Variants in DLG2 observed in about 807,000 individuals in gnomAD.
DLG2 encodes the protein disks large homolog 2.
Under a neutral mutation model 132.5 loss-of-function variants are expected in DLG2, and 45 were observed. That is an observed-to-expected ratio of 0.34 (90% CI 0.27 to 0.44). The LOEUF is 0.44. Ranked by LOEUF, DLG2 falls within the 20% of genes least tolerant of loss-of-function variation. The pLI is 1.00. For missense variants in DLG2, 1,045 were observed against 1,196.9 expected (o/e 0.87, Z 1.87); for synonymous variants, 424 against 419.6 (o/e 1.01, Z -0.13).
intron 3 of DLG2, among the ~76,000 whole-genome samples, chr11:85,509,729 T>C (rs1213257): frequency 0.77 from 116,793 of 151,958 alleles, 45,390 homozygotes; most frequent in Middle Eastern, 0.85. Flanking sequence ...TGATGATACA[T>C]AGTGAACGAA....
At chr11:84,254,498 G>A (rs924685986) in intron 7 of DLG2, among the ~76,000 whole-genome samples, 3 of 152,110 alleles carry the variant, frequency 2.0e-5, no homozygotes, top group African/African-American at 7.2e-5. Flanking sequence ...ACTAAAGGTA[G>A]TGATAAAGTA....
At chr11:84,245,663 T>G (rs1175986737) in intron 8 of DLG2, among the ~76,000 whole-genome samples, 4 of 152,224 alleles carry the variant, frequency 2.6e-5, no homozygotes, top group African/African-American at 9.6e-5. Context: ...CTTTTACTTC[T>G]CAGTGTTTGC....
chr11:84,191,237 T>C (rs2096402545), intron 8 of DLG2, among the ~76,000 whole-genome samples: 1 of 152,282 alleles, frequency 6.6e-6, no homozygotes, highest in East Asian at 1.9e-4. Flanking sequence ...GTATAAAACA[T>C]TTATATCAGA....
Position 85,559,655 on chromosome 11 carries a change from A to G in DLG2, c.40+39002T>C, listed in dbSNP as rs528924730. Among the ~76,000 whole-genome samples, 85 of 151,896 alleles carry G rather than the reference A, an allele frequency of 5.6e-4. 2 individuals carry two copies. Among genetic ancestry groups the G allele is most frequent in the African/African-American group, 2.0e-3 (84 of 41,552 alleles). On this transcript the variant is annotated intron_variant, in intron 3 of 27. Coordinates refer to ENST00000376104, the MANE Select transcript of DLG2 (RefSeq NM_001142699.3). ...AGTAAGTTTGATATAATGGAAATTC[A>G]AAATTTGGGCAAATTATTTAAGACA... is the stretch of plus-strand genomic sequence containing the variant.
rs138267324 is a variant in DLG2, at chr11:84,955,818, T to G, written c.357+155843A>C. 1.6e-3 allele frequency: 237 copies of G among 152,322 alleles called. 1 individual carries two copies. The highest frequency in any genetic ancestry group is 5.2e-3 in the African/African-American group (218 of 41,570). The allele number at this position is 152,322 out of a possible 1,614,324, so 9.4% of individuals were successfully genotyped here. ...TAACAGATGCCAAATATTCTTAAAA[T>G]ACTGATGAGGAAATAACTTACAAAT... On this transcript the variant is annotated intron_variant, in intron 6 of 27. Coordinates refer to ENST00000376104, the MANE Select transcript of DLG2 (RefSeq NM_001142699.3).
At chr11:83,646,375 GAGGA>G (rs1336459644) in intron 18 of DLG2, among the ~76,000 whole-genome samples, 5 of 152,074 alleles carry the variant, frequency 3.3e-5, no homozygotes, top group East Asian at 1.9e-4. Context: ...GAGAGAGAGA[GAGGA>G]AGGAAGGAAG....
At chr11:84,985,411 A>G (rs978631623) in intron 6 of DLG2, among the ~76,000 whole-genome samples, 1 of 152,198 alleles carries the variant, frequency 6.6e-6, no homozygotes, top group Non-Finnish European at 1.5e-5. Flanking sequence ...ATGGCAATTA[A>G]AAAATTCTTC....
intron 3 of DLG2, among the ~76,000 whole-genome samples, chr11:85,409,166 T>C (rs1489606018): frequency 1.3e-5 from 2 of 151,976 alleles, no homozygotes; most frequent in Non-Finnish European, 2.9e-5. Flanking sequence ...ACCTTGAATA[T>C]AGATACTAAG....
intron 4 of DLG2, among the ~76,000 whole-genome samples, chr11:85,281,120 A>T (rs912478055): frequency 6.6e-6 from 1 of 152,056 alleles, no homozygotes; most frequent in African/African-American, 2.4e-5. Flanking sequence ...GGAAGTAAGA[A>T]GACAGATCTC....
chr11:84,270,947 G>A (rs755232366), intron 7 of DLG2, among the ~76,000 whole-genome samples: 17 of 152,120 alleles, frequency 1.1e-4, no homozygotes, highest in Non-Finnish European at 2.1e-4. Context: ...GATTTATTAC[G>A]ATACTGTAAA....
intron 6 of DLG2, among the ~76,000 whole-genome samples, chr11:84,907,379 C>G (rs2091628970): frequency 6.6e-6 from 1 of 151,924 alleles, no homozygotes; most frequent in Non-Finnish European, 1.5e-5. Flanking sequence ...AATTGAATAA[C>G]AAGAATAGAA....
intron 17 of DLG2, among the ~76,000 whole-genome samples, chr11:83,821,846 A>G (rs1516623): frequency 0.68 from 103,907 of 152,002 alleles, 36,561 homozygotes; most frequent in African/African-American, 0.85. Context: ...AATCATTTCC[A>G]TCAACATATA....
chr11:84,242,233 G>C (rs954021450), intron 8 of DLG2, among the ~76,000 whole-genome samples: 1 of 152,144 alleles, frequency 6.6e-6, no homozygotes, highest in Non-Finnish European at 1.5e-5. Flanking sequence ...GGGCTTCCCA[G>C]TAAATGAGAA....
chr11:84,206,344 C>T (rs2096665054), intron 8 of DLG2, among the ~76,000 whole-genome samples: 2 of 152,040 alleles, frequency 1.3e-5, no homozygotes, highest in African/African-American at 4.8e-5. Context: ...CATTCTTATA[C>T]AAACTCTTCC....
chr11:84,172,504 TA>T (rs1284580374), intron 8 of DLG2, among the ~76,000 whole-genome samples: 12 of 149,852 alleles, frequency 8.0e-5, no homozygotes, highest in African/African-American at 2.9e-4. Context: ...CAGTATACTA[TA>T]ATTTTTTCCA....
At chr11:85,071,575 G>C (rs776246719) in intron 6 of DLG2, among the ~76,000 whole-genome samples, 1 of 151,774 alleles carries the variant, frequency 6.6e-6, no homozygotes. Flanking sequence ...AAATATGCAA[G>C]TGCTTCATTG....
chr11:84,937,038 G>A (rs1303754223), intron 6 of DLG2, among the ~76,000 whole-genome samples: 1 of 152,194 alleles, frequency 6.6e-6, no homozygotes, highest in South Asian at 2.1e-4. Context: ...TGTAATCCCA[G>A]CTATTCAGGA....
intron 6 of DLG2, among the ~76,000 whole-genome samples, chr11:84,892,500 A>C (rs368858007): frequency 6.6e-6 from 1 of 152,156 alleles, no homozygotes; most frequent in Admixed American, 6.5e-5. Context: ...GGATTAATAA[A>C]TAAATTGAGT....
chr11:84,579,938 T>G (rs1013252584), intron 6 of DLG2, among the ~76,000 whole-genome samples: 4 of 152,142 alleles, frequency 2.6e-5, no homozygotes, highest in Non-Finnish European at 5.9e-5. Context: ...CTCCCAAACT[T>G]CTGGTTGGAG....
Sources: allele counts gnomAD v4.1 joint callset (sites outside exome capture counted in the v4.1 genomes callset), GRCh38; gene constraint gnomAD v4.1.1; transcripts MANE v1.5; gene names NCBI Gene and HGNC (gene_info 2026-07-23, HGNC 2026-07-21).